CNR2: variants seen among roughly 807,000 people sequenced by gnomAD.
The protein encoded by CNR2 is cannabinoid receptor 2.
For missense variants in CNR2, 379 were observed against 439.9 expected, an observed-to-expected ratio of 0.86 and a Z score of 1.24; for synonymous variants, 172 against 182.2, an observed-to-expected ratio of 0.94 and a Z score of 0.45.
intron 1 of CNR2, among the ~76,000 whole-genome samples, chr1:23,879,042 G>C (rs1198080145): frequency 1.3e-5 from 2 of 152,216 alleles, no homozygotes; most frequent in Admixed American, 6.5e-5. Flanking sequence ...AGAATAGTGA[G>C]CAAGTAAGTT....
chr1:23,882,143 G>A (rs187403770), intron 1 of CNR2, among the ~76,000 whole-genome samples: 42 of 151,964 alleles, frequency 2.8e-4, no homozygotes, highest in African/African-American at 5.1e-4. Flanking sequence ...GGCTGGTCTC[G>A]AACTCTTGAC....
intron 1 of CNR2, among the ~76,000 whole-genome samples, chr1:23,908,713 C>G (rs369798004): frequency 3.9e-5 from 6 of 152,024 alleles, no homozygotes; most frequent in African/African-American, 1.4e-4. Context: ...AGTGAAGCAC[C>G]CTCTGGCTCC....
chr1:23,905,453 T>C (rs573227445), intron 1 of CNR2, among the ~76,000 whole-genome samples: 2 of 151,450 alleles, frequency 1.3e-5, no homozygotes, highest in South Asian at 4.2e-4. Flanking sequence ...GTTCTGGGAT[T>C]ACAGGCATGA....
chr1:23,902,627 G>A lies in CNR2; in HGVS notation c.-46+10619C>T. ...AGACGGAGCTGCAGACAGCCAGGAC[G>A]TACTTGTGGGCGGGCACCGTCCTGG... On this transcript the variant is annotated intron_variant, in intron 1 of 1. Transcript: ENST00000374472. 4 of 1,599,696 alleles carry A rather than the reference G, an allele frequency of 2.5e-6. No individual in the cohort carries two copies. In the Admixed American group the frequency reaches 5.0e-5, roughly 20 times the overall value.
chr1:23,912,641 C>T (rs1640606208), intron 1 of CNR2, among the ~76,000 whole-genome samples: 2 of 152,348 alleles, frequency 1.3e-5, no homozygotes, highest in African/African-American at 4.8e-5. Context: ...ACTAAAGGCT[C>T]TTAGGGCAGC....
At chr1:23,901,260 G>A (rs7514411) in intron 1 of CNR2, among the ~76,000 whole-genome samples, 150,353 of 152,166 alleles carry the variant, frequency 0.99, 74,307 homozygotes, top group East Asian at 1. Context: ...CACCTGAGAC[G>A]TGCACCCCAG....
intron 1 of CNR2, among the ~76,000 whole-genome samples, chr1:23,888,643 A>G (rs1640131340): frequency 6.6e-6 from 1 of 152,100 alleles, no homozygotes; most frequent in South Asian, 2.1e-4. Flanking sequence ...GAGAAGCGGG[A>G]GTCTTTCTGA....
intron 1 of CNR2, among the ~76,000 whole-genome samples, chr1:23,908,320 G>C (rs1054346850): frequency 1.3e-5 from 2 of 151,896 alleles, no homozygotes; most frequent in Non-Finnish European, 2.9e-5. Flanking sequence ...TTGAGATAGG[G>C]ATCTTGCTCT....
chr1:23,894,283 C>A (rs1047901701), intron 1 of CNR2, among the ~76,000 whole-genome samples: 6 of 151,588 alleles, frequency 4.0e-5, no homozygotes, highest in Non-Finnish European at 8.8e-5. Context: ...AGTAACTGGG[C>A]GTTGTGGCTC....
At chr1:23,902,764 G>A in intron 1 of CNR2, 1 of 1,501,650 alleles carries the variant, frequency 6.7e-7, no homozygotes, top group Non-Finnish European at 8.8e-7. Flanking sequence ...GGCTCTCCGG[G>A]TGGTTGTTGC....
intron 1 of CNR2, among the ~76,000 whole-genome samples, chr1:23,891,305 G>C (rs1291887914): frequency 7.2e-6 from 1 of 139,176 alleles, no homozygotes; most frequent in Non-Finnish European, 1.6e-5. Context: ...GTGTGTGTGT[G>C]AGCCTATGAA....
intron 1 of CNR2, among the ~76,000 whole-genome samples, chr1:23,903,322 C>T (rs1428469842): frequency 1.3e-5 from 2 of 152,122 alleles, no homozygotes; most frequent in African/African-American, 4.8e-5. Flanking sequence ...CACCTGTAAT[C>T]CCAGCAATTT....
chr1:23,911,566 T>C (rs1480337645), intron 1 of CNR2, among the ~76,000 whole-genome samples: 3 of 152,094 alleles, frequency 2.0e-5, no homozygotes, highest in African/African-American at 7.2e-5. Context: ...CCTAGCCCAG[T>C]AGGATGAGGC....
chr1:23,897,463 C>T (rs533178775), intron 1 of CNR2, among the ~76,000 whole-genome samples: 30 of 144,192 alleles, frequency 2.1e-4, no homozygotes, highest in African/African-American at 7.6e-4. Context: ...ATTAATAATC[C>T]TATTGCATGT....
rs142971648 is a variant in CNR2 at position 23,880,185 on chromosome 1, C to CTTTTTTTTTTTTTT, written c.-45-4524_-45-4523insAAAAAAAAAAAAAA. On this transcript the variant is annotated intron_variant, in intron 1 of 1. Transcript: ENST00000374472. ...CCCTAACTCATCCCAACTTCCAACT[C>CTTTTTTTTTTTTTT]TTTTTTTTTTGAGACGGAGTCTCAC... Among the ~76,000 whole-genome samples, 17 of 128,762 alleles carry CTTTTTTTTTTTTTT rather than the reference C, an allele frequency of 1.3e-4. 3 individuals carry two copies. The highest frequency in any genetic ancestry group is 7.0e-4 in the South Asian group (3 of 4,294). 84.5% of individuals were successfully genotyped at this position (128,762 alleles called of 152,430 possible).
chr1:23,890,535 C>A (rs1474117958), intron 1 of CNR2, among the ~76,000 whole-genome samples: 1 of 151,984 alleles, frequency 6.6e-6, no homozygotes, highest in African/African-American at 2.4e-5. Context: ...CACCTGAGGT[C>A]CGGAGTTTGA....
chr1:23,888,141 C>T (rs1014766316), intron 1 of CNR2, among the ~76,000 whole-genome samples: 5 of 152,192 alleles, frequency 3.3e-5, no homozygotes, highest in Admixed American at 3.3e-4. Context: ...TGGGCTCAGA[C>T]TTTCAGGACA....
At chr1:23,902,578 G>T (rs1167028698) in intron 1 of CNR2, 1 of 1,607,090 alleles carries the variant, frequency 6.2e-7, no homozygotes, top group African/African-American at 1.3e-5. Flanking sequence ...ACTTCCGCCA[G>T]GTCCCAGTAG....
At chr1:23,910,122 A>ATTTT (rs34885370) in intron 1 of CNR2, among the ~76,000 whole-genome samples, 15 of 120,290 alleles carry the variant, frequency 1.2e-4, no homozygotes, top group Non-Finnish European at 1.8e-4. Context: ...CTAATTTTTA[A>ATTTT]TTTTTTTTTT....
Sources: allele counts gnomAD v4.1 joint callset (sites outside exome capture counted in the v4.1 genomes callset), GRCh38; gene constraint gnomAD v4.1.1; transcripts MANE v1.5; gene names NCBI Gene and HGNC (gene_info 2026-07-23, HGNC 2026-07-21).